The following POU6F2 variants were observed in gnomAD, a reference collection of about 807,000 sequenced individuals.
POU6F2 encodes the protein POU class 6 homeobox 2, also known as POU domain, class 6, transcription factor 2.
A neutral mutation model predicts 71.3 loss-of-function variants in POU6F2; 31 were observed. That is an observed-to-expected ratio of 0.43 (90% CI 0.33 to 0.59). The LOEUF (loss-of-function observed/expected upper bound fraction) is 0.59, where lower values mean the gene tolerates loss of function less well. Ranked by LOEUF, POU6F2 falls within the 20% of genes least tolerant of loss-of-function variation. POU6F2 has a pLI of 0.04. For synonymous variants in POU6F2, 347 were observed against 355.7 expected (o/e 0.98, Z 0.27); for missense variants, 783 against 856.8 (o/e 0.91, Z 1.07).
intron 1 of POU6F2, among the ~76,000 whole-genome samples, chr7:39,078,503 T>C (rs1480694133): frequency 6.6e-6 from 1 of 152,134 alleles, no homozygotes; most frequent in Non-Finnish European, 1.5e-5. Flanking sequence ...TTAATATAAA[T>C]GATACTAAGC....
chr7:39,140,802 C>T lies in POU6F2; in HGVS notation c.277+54771C>T, dbSNP rs541859461. Among the ~76,000 whole-genome samples, 3 of 152,124 alleles carry T rather than the reference C, an allele frequency of 2.0e-5. No individual in the cohort carries two copies. In the East Asian group the frequency reaches 5.8e-4, roughly 29 times the overall value. On this transcript the variant is annotated intron_variant, in intron 2 of 9. Transcript: ENST00000518318. The stretch of plus-strand genomic sequence containing the variant: ...CATGGAGAGGGAGATGGAAAGATCT[C>T]GAAAGATCATTTAAGCCTTGCTCAG...
chr7:39,206,947 T>C (rs1794025590), intron 3 of POU6F2, among the ~76,000 whole-genome samples: 1 of 152,182 alleles, frequency 6.6e-6, no homozygotes, highest in Non-Finnish European at 1.5e-5. Flanking sequence ...CTTTCCAGCA[T>C]TGAGTAAATT....
intron 4 of POU6F2, among the ~76,000 whole-genome samples, chr7:39,315,024 T>C: frequency 6.6e-6 from 1 of 152,230 alleles, no homozygotes; most frequent in Non-Finnish European, 1.5e-5. Flanking sequence ...CTGTTACACG[T>C]AACATTTCAC....
At chr7:39,069,894 C>T (rs374807088) in intron 1 of POU6F2, among the ~76,000 whole-genome samples, 7 of 152,274 alleles carry the variant, frequency 4.6e-5, no homozygotes, top group East Asian at 3.9e-4. Context: ...AGAAAATTCA[C>T]GTATCAGTGG....
At chr7:39,404,369 T>G (rs1787371490) in intron 5 of POU6F2, among the ~76,000 whole-genome samples, 1 of 152,266 alleles carries the variant, frequency 6.6e-6, no homozygotes. Context: ...ATCTATGCTA[T>G]TTGGTATCCA....
intron 4 of POU6F2, among the ~76,000 whole-genome samples, chr7:39,315,825 T>C (rs750869957): frequency 2.0e-5 from 3 of 152,250 alleles, no homozygotes; most frequent in Non-Finnish European, 4.4e-5. Flanking sequence ...AACTTTACTT[T>C]GGCTTTATAA....
chr7:39,131,399 T>C (rs1163384827), intron 2 of POU6F2, among the ~76,000 whole-genome samples: 2 of 152,202 alleles, frequency 1.3e-5, no homozygotes, highest in East Asian at 1.9e-4. Context: ...TGCAAGTAAA[T>C]TGATAAGCTG....
At chr7:39,302,369 T>C (rs550619354) in intron 4 of POU6F2, among the ~76,000 whole-genome samples, 12 of 152,352 alleles carry the variant, frequency 7.9e-5, no homozygotes, top group Admixed American at 2.6e-4. Context: ...CTCTATGCAC[T>C]TGTGGATTTT....
intron 1 of POU6F2, among the ~76,000 whole-genome samples, chr7:39,062,545 C>T (rs921970203): frequency 1.3e-5 from 2 of 150,858 alleles, no homozygotes; most frequent in Non-Finnish European, 2.9e-5. Flanking sequence ...AACAGCACCT[C>T]GTGGGCCTGG....
At chr7:39,020,432 G>A (rs538454638) in intron 1 of POU6F2, among the ~76,000 whole-genome samples, 1 of 152,166 alleles carries the variant, frequency 6.6e-6, no homozygotes, top group South Asian at 2.1e-4. Flanking sequence ...TTTATTTCCA[G>A]AATTACAGCA....
intron 7 of POU6F2, among the ~76,000 whole-genome samples, chr7:39,435,339 G>C (rs2116042430): frequency 6.6e-6 from 1 of 152,292 alleles, no homozygotes; most frequent in East Asian, 1.9e-4. Context: ...ATTGGCATGA[G>C]ATGGTATCTC....
chr7:39,082,108 A>G (rs746114861), intron 1 of POU6F2, among the ~76,000 whole-genome samples: 18 of 152,238 alleles, frequency 1.2e-4, no homozygotes, highest in Non-Finnish European at 2.6e-4. Context: ...TAATGCTTGA[A>G]GGAGACAGAT....
At chr7:39,300,542 C>G (rs1311545032) in intron 4 of POU6F2, among the ~76,000 whole-genome samples, 3 of 152,178 alleles carry the variant, frequency 2.0e-5, no homozygotes, top group Admixed American at 2.0e-4. Flanking sequence ...GACTGGGTGG[C>G]TAACACAACA....
At chr7:39,416,865 A>G (rs996597936) in intron 6 of POU6F2, among the ~76,000 whole-genome samples, 1 of 152,214 alleles carries the variant, frequency 6.6e-6, no homozygotes, top group African/African-American at 2.4e-5. Flanking sequence ...GGGGGATACT[A>G]TAATTGAGGA....
At chr7:39,117,789 C>T (rs1791962919) in intron 2 of POU6F2, among the ~76,000 whole-genome samples, 1 of 152,136 alleles carries the variant, frequency 6.6e-6, no homozygotes, top group African/African-American at 2.4e-5. Flanking sequence ...ATCTCTCCTG[C>T]TTCTCTCTTA....
intron 1 of POU6F2, among the ~76,000 whole-genome samples, chr7:39,054,646 T>A (rs1305917083): frequency 1.3e-5 from 2 of 152,010 alleles, no homozygotes; most frequent in East Asian, 3.9e-4. Context: ...AGAAAAGGCT[T>A]CTTTGAGGAA....
At chr7:39,226,775 G>A (rs2128749305) in intron 4 of POU6F2, among the ~76,000 whole-genome samples, 1 of 152,174 alleles carries the variant, frequency 6.6e-6, no homozygotes, top group East Asian at 1.9e-4. Context: ...CATGATCAGA[G>A]AAGAGTGTTC....
At chr7:39,002,704 T>C (rs956471225) in intron 1 of POU6F2, among the ~76,000 whole-genome samples, 2 of 152,264 alleles carry the variant, frequency 1.3e-5, no homozygotes, top group Non-Finnish European at 2.9e-5. Flanking sequence ...AACTGATTAC[T>C]GACTTACTGC....
chr7:39,202,076 T>C (rs1793917428), intron 2 of POU6F2, among the ~76,000 whole-genome samples: 1 of 152,194 alleles, frequency 6.6e-6, no homozygotes, highest in East Asian at 1.9e-4. Context: ...TGAACGTGGT[T>C]TTTGAGAATT....
Sources: gnomAD v4.1 joint callset for allele counts (sites outside exome capture counted in the v4.1 genomes callset) on GRCh38, gnomAD v4.1.1 for gene constraint, MANE v1.5 for transcripts, NCBI Gene and HGNC (gene_info 2026-07-23, HGNC 2026-07-21) for gene names.